The following ARMC9 variants were observed in gnomAD, a reference collection of about 807,000 sequenced individuals.
ARMC9 encodes the protein armadillo repeat containing 9, also known as lisH domain-containing protein ARMC9.
A neutral mutation model predicts 107.0 loss-of-function variants in ARMC9; 94 were observed. The ratio of observed to expected loss-of-function variants is 0.88; its 90% CI spans 0.74 to 1.04. The LOEUF (loss-of-function observed/expected upper bound fraction) is 1.04. ARMC9 is among the 50% of genes least tolerant of loss of function. ARMC9 has a pLI of 0.00. For synonymous variants in ARMC9, 380 were observed against 396.9 expected, an observed-to-expected ratio of 0.96 and a Z score of 0.51; for missense variants, 942 against 1,030.1, an observed-to-expected ratio of 0.91 and a Z score of 1.17.
At chr2:231,289,158 G>A (rs546419328) in intron 17 of ARMC9, among the ~76,000 whole-genome samples, 1 of 152,230 alleles carries the variant, frequency 6.6e-6, no homozygotes, top group East Asian at 1.9e-4. Flanking sequence ...CCTAATATAT[G>A]TGATTTTTTA....
At chr2:231,247,535 C>G (rs2036885709) in intron 9 of ARMC9, among the ~76,000 whole-genome samples, 1 of 152,198 alleles carries the variant, frequency 6.6e-6, no homozygotes, top group East Asian at 1.9e-4. Context: ...GGTGCAATGC[C>G]CTGTGTATTG....
intron 5 of ARMC9, among the ~76,000 whole-genome samples, chr2:231,222,284 C>T (rs1574650538): frequency 6.6e-6 from 1 of 152,082 alleles, no homozygotes; most frequent in Non-Finnish European, 1.5e-5. Flanking sequence ...TAGCTTCTGT[C>T]CTTTTTTCTT....
chr2:231,289,694 G>C (rs1160336853), intron 17 of ARMC9, among the ~76,000 whole-genome samples: 1 of 152,126 alleles, frequency 6.6e-6, no homozygotes, highest in African/African-American at 2.4e-5. Flanking sequence ...TGTCCAACTG[G>C]TCCCGCAGGA....
At position 231,277,591 on chromosome 2, in the gene ARMC9, C is replaced by T. The variant is rs570083099; in HGVS notation, c.1475-791C>T. On this transcript the variant is annotated intron_variant, in intron 15 of 24. Transcript: ENST00000611582. ...TTTTTTTTTTTTTGAGATGAAGTCA[C>T]GCTCCATTGCCCAGGCTAGAGGCAG... 1.6e-4 allele frequency among the ~76,000 whole-genome samples: 24 copies of T among 146,932 alleles called. No individual in the cohort carries two copies. In the Middle Eastern group the frequency reaches 0.011, roughly 65 times the overall value.
intron 21 of ARMC9, among the ~76,000 whole-genome samples, chr2:231,345,946 A>G (rs529784200): frequency 6.6e-6 from 1 of 152,324 alleles, no homozygotes; most frequent in Admixed American, 6.5e-5. Context: ...GCCTGCCCTC[A>G]TGGAGCTCTG....
At chr2:231,276,431 G>A (rs898546174) in intron 14 of ARMC9, among the ~76,000 whole-genome samples, 2 of 151,944 alleles carry the variant, frequency 1.3e-5, no homozygotes, top group Admixed American at 6.6e-5. Context: ...CACCACGCCT[G>A]GCTAATTTTT....
intron 19 of ARMC9, among the ~76,000 whole-genome samples, chr2:231,330,179 A>G (rs2043624539): frequency 6.7e-6 from 1 of 150,050 alleles, no homozygotes; most frequent in Non-Finnish European, 1.5e-5. Flanking sequence ...ATCGATTCTT[A>G]CCATATTGTT....
At chr2:231,271,112 A>T (rs1168513935) in intron 13 of ARMC9, 40 bp downstream of exon 13, 2 of 1,587,926 alleles carry the variant, frequency 1.3e-6, no homozygotes, top group Non-Finnish European at 1.7e-6. Context: ...GAGCTAGGTC[A>T]TATTGATGTG....
intron 3 of ARMC9, among the ~76,000 whole-genome samples, chr2:231,210,627 C>T (rs1264942110): frequency 6.6e-6 from 1 of 152,232 alleles, no homozygotes; most frequent in African/African-American, 2.4e-5. Context: ...GGCCCTGTGC[C>T]TTGAAGCTTC....
intron 9 of ARMC9, among the ~76,000 whole-genome samples, chr2:231,245,477 A>G (rs1338186510): frequency 1.3e-5 from 2 of 152,178 alleles, no homozygotes; most frequent in African/African-American, 4.8e-5. Flanking sequence ...AGAAGGGGTT[A>G]GTGTTAGGGT....
At chr2:231,217,688 T>G (rs1344285150) in intron 5 of ARMC9, among the ~76,000 whole-genome samples, 2 of 152,176 alleles carry the variant, frequency 1.3e-5, no homozygotes, top group African/African-American at 4.8e-5. Flanking sequence ...CTATGAATTG[T>G]AACACACATA....
rs926285191 is a variant in ARMC9, at chr2:231,349,831, A to G, written c.1994+4741A>G. On this transcript the variant is annotated intron_variant, in intron 21 of 24. Coordinates refer to ENST00000611582, the MANE Select transcript of ARMC9 (RefSeq NM_001352754.2). ...TATTTGATAGCACAACAGAGTGACT[A>G]TAGTCAATAATAATTTAATTGTACA... Among the ~76,000 whole-genome samples the G allele has an allele frequency of 2.0e-5, 3 of 152,132 alleles. No homozygotes were observed. The East Asian group carries it at 5.8e-4, about 29-fold the overall frequency.
intron 17 of ARMC9, among the ~76,000 whole-genome samples, chr2:231,283,882 G>T (rs375746109): frequency 6.6e-6 from 1 of 152,044 alleles, no homozygotes; most frequent in Non-Finnish European, 1.5e-5. Flanking sequence ...ATAGGTGTGC[G>T]CCATCACACC....
chr2:231,320,573 AAGAT>A (rs992805688), intron 19 of ARMC9, among the ~76,000 whole-genome samples: 6 of 152,040 alleles, frequency 3.9e-5, no homozygotes, highest in Non-Finnish European at 7.4e-5. Context: ...AAAAAAAAAA[AAGAT>A]AGTGTCCTTT....
At chr2:231,261,423 C>T (rs1160105575) in intron 11 of ARMC9, among the ~76,000 whole-genome samples, 1 of 152,236 alleles carries the variant, frequency 6.6e-6, no homozygotes, top group African/African-American at 2.4e-5. Context: ...CATGCACGCA[C>T]ACACACGTGC....
intron 9 of ARMC9, among the ~76,000 whole-genome samples, chr2:231,244,127 C>T (rs1047155640): frequency 2.0e-5 from 3 of 152,076 alleles, no homozygotes; most frequent in Non-Finnish European, 4.4e-5. Flanking sequence ...TTCACAAAAC[C>T]GTTGATGTCT....
rs1341987081 is a variant in ARMC9, at chr2:231,328,814, C to CTTTTTTTTTTTTTTTTTTTTTTTTTTTTT, written c.1774-2975_1774-2974insTTTTTTTTTTTTTTTTTTTTTTTTTTTTT. Among the ~76,000 whole-genome samples the CTTTTTTTTTTTTTTTTTTTTTTTTTTTTT allele has an allele frequency of 4.2e-3, 536 of 127,234 alleles. 120 individuals are homozygous for CTTTTTTTTTTTTTTTTTTTTTTTTTTTTT. The highest frequency in any genetic ancestry group is 5.5e-3 in the Non-Finnish European group (325 of 58,868). The allele number at this position is 127,234 out of a possible 152,430, so 83.5% of individuals were successfully genotyped here. Reference sequence around the variant, plus strand: ...AGCGTGTTCAATTTTCTTTTCTTTTCTTTTCTTTTTTTTTTTTTGAGTCGG... The same window carrying CTTTTTTTTTTTTTTTTTTTTTTTTTTTTT: ...AGCGTGTTCAATTTTCTTTTCTTTTCTTTTTTTTTTTTTTTTTTTTTTTTTTTTTTTTTCTTTTTTTTTTTTTGAGTCGG... On this transcript the variant is annotated intron_variant, in intron 19 of 24. Transcript: ENST00000611582.
At chr2:231,215,302 A>G (rs995983701) in intron 4 of ARMC9, 11 of 250,320 alleles carry the variant, frequency 4.4e-5, no homozygotes, top group African/African-American at 2.2e-4. Flanking sequence ...TGTATGTCTA[A>G]GAGAACATAT....
At chr2:231,293,530 C>CA (rs1385353621) in intron 18 of ARMC9, among the ~76,000 whole-genome samples, 4 of 152,096 alleles carry the variant, frequency 2.6e-5, no homozygotes, top group Non-Finnish European at 5.9e-5. Context: ...CTCTCTGGCC[C>CA]AAAAAACATC....
Sources: gnomAD v4.1 joint callset for allele counts (sites outside exome capture counted in the v4.1 genomes callset) on GRCh38, gnomAD v4.1.1 for gene constraint, MANE v1.5 for transcripts, NCBI Gene and HGNC (gene_info 2026-07-23, HGNC 2026-07-21) for gene names.